Variants in ABCA3 observed in about 807,000 individuals in gnomAD.
ABCA3 encodes ATP binding cassette subfamily A member 3, also known as phospholipid-transporting ATPase ABCA3.
A neutral mutation model predicts 172.8 loss-of-function variants in ABCA3; 88 were observed. The observed-to-expected ratio is 0.51, with a 90% CI of 0.43 to 0.61. The LOEUF is 0.61. ABCA3 is among the 20% of genes least tolerant of loss of function. The pLI, the probability that ABCA3 is intolerant of heterozygous loss-of-function variation, is 0.00. For synonymous variants in ABCA3, 1,066 were observed against 983.8 expected (o/e 1.08, Z -1.56); for missense variants, 2,164 against 2,301.0 (o/e 0.94, Z 1.22).
In ABCA3 at chr16:2,278,183, A is replaced by T; in HGVS notation, c.4718+105T>A. On this transcript the variant is annotated intron_variant, in intron 30 of 32. Transcript: ENST00000301732. The surrounding 1 kb of genome is among the most constrained non-coding windows in gnomAD (Gnocchi z 4.4). ...CTGATACCCATGCTCAGTGTGGCTC[A>T]CGGGCAGACTCTGCACCAGATGCTG... 6.3e-7 allele frequency: 1 copy of T among 1,595,530 alleles called. No homozygotes were observed. Among genetic ancestry groups the T allele is most frequent in the African/African-American group, 1.3e-5 (1 of 74,784 alleles).
At chr16:2,295,337 C>T (rs368646852) in intron 18 of ABCA3, among the ~76,000 whole-genome samples, 1 of 152,164 alleles carries the variant, frequency 6.6e-6, no homozygotes, top group Non-Finnish European at 1.5e-5. Flanking sequence ...CGCTGAGCAC[C>T]CTTTTGGTGA....
intron 19 of ABCA3, 48 bp from the exon 20 acceptor site, chr16:2,289,668 G>C: frequency 6.5e-7 from 1 of 1,537,350 alleles, no homozygotes; most frequent in Non-Finnish European, 8.7e-7. Flanking sequence ...TCCCCGGGTG[G>C]GTGGAGGGAG....
intron 1 of ABCA3, among the ~76,000 whole-genome samples, chr16:2,333,504 T>G (rs1380652722): frequency 6.6e-6 from 1 of 152,100 alleles, no homozygotes; most frequent in Non-Finnish European, 1.5e-5. Flanking sequence ...CCAGCCAGCA[T>G]CAAAGATCCG....
At chr16:2,311,414 G>C (rs1021549641) in intron 10 of ABCA3, among the ~76,000 whole-genome samples, 6 of 152,196 alleles carry the variant, frequency 3.9e-5, no homozygotes, top group African/African-American at 1.2e-4. Context: ...TACCATGCAA[G>C]CGCCACTGAA....
Position 2,308,502 on chromosome 16 carries a change from A to G in ABCA3, c.1233T>C (p.Ser411=). The change falls in exon 11 of 33, where the codon TCT becomes TCC. Residue 411 remains serine, a synonymous_variant. Transcript: ENST00000301732. The part of the protein sequence containing the change: ...LSQKLCSCLL[S]NVAMAMGAQL... ...GGGCTCCCATTGCCATGGCGACATT[A>G]GACAGGAGGCAGGAGCAGAGCTTCT... The G allele has an allele frequency of 6.2e-7, 1 of 1,614,216 alleles. No individual in the cohort carries two copies. Among genetic ancestry groups the G allele is most frequent in the Non-Finnish European group, 8.5e-7 (1 of 1,180,026 alleles).
At chr16:2,295,305 G>C (rs1482093406) in intron 18 of ABCA3, among the ~76,000 whole-genome samples, 2 of 152,242 alleles carry the variant, frequency 1.3e-5, no homozygotes, top group African/African-American at 4.8e-5. Flanking sequence ...TGTCAGAAGG[G>C]GGAGTGTGAG....
chr16:2,305,724 C>T (rs958134670), intron 11 of ABCA3, among the ~76,000 whole-genome samples: 11 of 152,296 alleles, frequency 7.2e-5, no homozygotes, highest in Admixed American at 3.3e-4. Context: ...CCCATCCAGC[C>T]TAGTATAACT....
Position 2,288,132 on chromosome 16 carries a change from G to A in ABCA3, c.2898C>T (p.Thr966=), listed in dbSNP as rs374605569. The change falls in exon 21 of 33, where the codon ACC becomes ACT. Residue 966 remains threonine (T), a synonymous_variant. Transcript: ENST00000301732. ...LRLTLGEYGR[T]VVPFSVPGTS... ...TCCCGGGAACTGAGAAGGGCACGACGGTTCTGCCGTACTCGCCCAAGGTCA... is the reference window on the plus strand; with the variant it reads ...TCCCGGGAACTGAGAAGGGCACGACAGTTCTGCCGTACTCGCCCAAGGTCA... 1.0e-4 allele frequency: 166 copies of A among 1,612,818 alleles called. 2 individuals are homozygous for A. In the Middle Eastern group the frequency reaches 2.8e-3, roughly 27 times the overall value.
chr16:2,320,569 T>G (rs2093724538), intron 7 of ABCA3, among the ~76,000 whole-genome samples: 1 of 152,000 alleles, frequency 6.6e-6, no homozygotes, highest in Non-Finnish European at 1.5e-5. Flanking sequence ...TTTTTTTTTT[T>G]TGTATTTTTA....
intron 1 of ABCA3, among the ~76,000 whole-genome samples, chr16:2,335,590 C>G (rs1220072601): frequency 6.6e-6 from 1 of 152,166 alleles, no homozygotes; most frequent in Non-Finnish European, 1.5e-5. Context: ...ACATTTAATA[C>G]TTGGACAGAC....
chr16:2,338,403 C>A (rs1181126679), intron 1 of ABCA3, among the ~76,000 whole-genome samples: 3 of 152,212 alleles, frequency 2.0e-5, no homozygotes, highest in Non-Finnish European at 4.4e-5. Flanking sequence ...AGTACCATGG[C>A]CTCTGTGAAG....
intron 14 of ABCA3, 136 bp from the exon 15 acceptor site, chr16:2,298,676 A>T (rs2093684070): frequency 1.9e-6 from 2 of 1,063,310 alleles, no homozygotes; most frequent in African/African-American, 1.6e-5. Context: ...ACGGAACCCC[A>T]CTCCCACTGG....
At chr16:2,333,078 G>T (rs183820880) in intron 1 of ABCA3, among the ~76,000 whole-genome samples, 1 of 152,264 alleles carries the variant, frequency 6.6e-6, no homozygotes, top group African/African-American at 2.4e-5. Context: ...CCAAAGTACT[G>T]GGACTATAGG....
intron 26 of ABCA3, among the ~76,000 whole-genome samples, chr16:2,282,347 C>A (rs968434234): frequency 6.6e-6 from 1 of 152,150 alleles, no homozygotes; most frequent in Non-Finnish European, 1.5e-5. Context: ...GATCCACCTA[C>A]CTCTGCTTTC....
Position 2,284,675 on chromosome 16 carries a change from C to T in ABCA3, c.3703+104G>A, listed in dbSNP as rs1207652477. ...GAGGGGCTGGTGAGCATGAACTGGG[C>T]CCATTGCCTGAGTCCCGCCTCGGCT... On this transcript the variant is annotated intron_variant, in intron 24 of 32. Coordinates refer to ENST00000301732, the MANE Select transcript of ABCA3 (RefSeq NM_001089.3). This position sits in a 1 kb window ranked among gnomAD's most constrained non-coding sequence, Gnocchi z 5.9. 1 of 1,314,618 alleles carries T rather than the reference C, an allele frequency of 7.6e-7. No individual in the cohort carries two copies. Among genetic ancestry groups the T allele is most frequent in the Admixed American group, 2.0e-5 (1 of 50,370 alleles). 81.4% of individuals were successfully genotyped at this position (1,314,618 alleles called of 1,614,324 possible).
chr16:2,321,473 G>A (rs1382052801), intron 7 of ABCA3, among the ~76,000 whole-genome samples: 5 of 152,196 alleles, frequency 3.3e-5, no homozygotes, highest in African/African-American at 4.8e-5. Context: ...GGGATGGGAC[G>A]TTGCTGTGAC....
intron 1 of ABCA3, among the ~76,000 whole-genome samples, chr16:2,334,995 A>T (rs2093749567): frequency 6.8e-6 from 1 of 146,734 alleles, no homozygotes; most frequent in Non-Finnish European, 1.5e-5. Flanking sequence ...CGCCCAGCTA[A>T]TTTTTGTATT....
chr16:2,334,192 G>A (rs977047096), intron 1 of ABCA3, among the ~76,000 whole-genome samples: 1 of 152,170 alleles, frequency 6.6e-6, no homozygotes, highest in Non-Finnish European at 1.5e-5. Context: ...GGTCTTGAAT[G>A]ACTCATTAGT....
At chr16:2,307,015 T>TTAAAAAAAAAAAAAAAAA (rs1465949061) in intron 11 of ABCA3, among the ~76,000 whole-genome samples, 1 of 37,160 alleles carries the variant, frequency 2.7e-5, no homozygotes, top group African/African-American at 1.2e-4. Flanking sequence ...AGACTCCGTC[T>TTAAAAAAAAAAAAAAAAA]CAAAAAAAAA....
Sources: allele counts gnomAD v4.1 joint callset (sites outside exome capture counted in the v4.1 genomes callset), GRCh38; gene constraint gnomAD v4.1.1; non-coding constraint Gnocchi (gnomAD v3.1); transcripts MANE v1.5; gene names NCBI Gene and HGNC (gene_info 2026-07-23, HGNC 2026-07-21).